The following AGPAT4 variants were observed in gnomAD, a reference collection of about 807,000 sequenced individuals.
AGPAT4 encodes the protein 1-acyl-sn-glycerol-3-phosphate acyltransferase delta.
Under a neutral mutation model 48.0 loss-of-function variants are expected in AGPAT4, and 15 were observed. That is an observed-to-expected ratio of 0.31 (90% CI 0.21 to 0.48). AGPAT4 has a LOEUF of 0.48. Among genes scored for constraint, AGPAT4 ranks in the 20% least tolerant of loss-of-function variants. The pLI is 0.99. For missense variants in AGPAT4, 314 were observed against 482.5 expected, an observed-to-expected ratio of 0.65 and a Z score of 3.27; for synonymous variants, 178 against 198.7, an observed-to-expected ratio of 0.90 and a Z score of 0.88.
Position 161,159,735 on chromosome 6 carries a change from C to T in AGPAT4, c.349-5425G>A, listed in dbSNP as rs1350191444. On this transcript the variant is annotated intron_variant, in intron 3 of 8. Transcript: ENST00000320285. This position sits in a 1 kb window ranked among gnomAD's most constrained non-coding sequence, Gnocchi z 4.1. Reference sequence around the variant, plus strand: ...CTCAGCTCACTGCAATCTCTGCCTCCCGGGTTCAAGCGATTCTCCTGCCTC... The same window carrying T: ...CTCAGCTCACTGCAATCTCTGCCTCTCGGGTTCAAGCGATTCTCCTGCCTC... Among the ~76,000 whole-genome samples the T allele has an allele frequency of 6.6e-6, 1 of 152,006 alleles. No individual in the cohort carries two copies. Among genetic ancestry groups the T allele is most frequent in the Non-Finnish European group, 1.5e-5 (1 of 68,016 alleles).
At chr6:161,228,989 G>A (rs1471480209) in intron 2 of AGPAT4, among the ~76,000 whole-genome samples, 1 of 151,824 alleles carries the variant, frequency 6.6e-6, no homozygotes, top group Non-Finnish European at 1.5e-5. Flanking sequence ...TCAGTGTCTC[G>A]GTGTGTCCTG....
chr6:161,229,659 A>G lies in AGPAT4; in HGVS notation c.178+2377T>C, dbSNP rs367842148. On this transcript the variant is annotated intron_variant, in intron 2 of 8. Coordinates refer to ENST00000320285, the MANE Select transcript of AGPAT4 (RefSeq NM_020133.3). The surrounding 1 kb of genome is among the most constrained non-coding windows in gnomAD (Gnocchi z 6.0). The stretch of plus-strand genomic sequence containing the variant: ...GGATAGTTTGCACTGGCTTATCACC[A>G]TGAGGTGCCCACGAGCCACCCAGGA... 1.8e-4 allele frequency among the ~76,000 whole-genome samples: 27 copies of G among 152,258 alleles called. No homozygotes were observed. The highest frequency in any genetic ancestry group is 6.5e-4 in the African/African-American group (27 of 41,556).
rs1781765844 is a variant in AGPAT4, at chr6:161,219,867, A to AGG, written c.178+12168_178+12169insCC. On this transcript the variant is annotated intron_variant, in intron 2 of 8. Coordinates refer to ENST00000320285, the MANE Select transcript of AGPAT4 (RefSeq NM_020133.3). This position sits in a 1 kb window ranked among gnomAD's most constrained non-coding sequence, Gnocchi z 4.9. ...GATAGATAGATAGATAGATAGATAG[A>AGG]TAGATAGGCAGGCAGGCAGGCAGGC... 2.7e-5 allele frequency among the ~76,000 whole-genome samples: 3 copies of AGG among 111,296 alleles called. No homozygotes were observed. The highest frequency in any genetic ancestry group is 9.3e-5 in the Admixed American group (1 of 10,704). The allele number at this position is 111,296 out of a possible 152,430, so 73.0% of individuals were successfully genotyped here.
At chr6:161,162,672 T>A (rs1227089383) in intron 3 of AGPAT4, among the ~76,000 whole-genome samples, 1 of 152,230 alleles carries the variant, frequency 6.6e-6, no homozygotes, top group Non-Finnish European at 1.5e-5. Context: ...CACGCTGCCA[T>A]GGATAACTAA....
intron 1 of AGPAT4, among the ~76,000 whole-genome samples, chr6:161,260,534 C>G (rs1249544430): frequency 2.6e-5 from 4 of 151,740 alleles, no homozygotes; most frequent in Admixed American, 2.6e-4. Context: ...CACCTGTAGT[C>G]CTAGCTACTC....
chr6:161,203,435 T>C (rs1255639671), intron 2 of AGPAT4, among the ~76,000 whole-genome samples: 4 of 144,236 alleles, frequency 2.8e-5, no homozygotes, highest in Non-Finnish European at 6.0e-5. Context: ...GTTTTTCAGG[T>C]TGGAGTGCAA....
At chr6:161,193,461 G>T (rs1359095220) in intron 2 of AGPAT4, among the ~76,000 whole-genome samples, 3 of 152,202 alleles carry the variant, frequency 2.0e-5, no homozygotes, top group Non-Finnish European at 4.4e-5. Context: ...GCATCCGGGG[G>T]ATCTGAATAC....
At chr6:161,250,165 G>A (rs1230494768) in intron 1 of AGPAT4, among the ~76,000 whole-genome samples, 1 of 152,104 alleles carries the variant, frequency 6.6e-6, no homozygotes, top group Admixed American at 6.6e-5. Context: ...CACATTGAGG[G>A]GAACAATACA....
In AGPAT4 at chr6:161,233,091, T is replaced by A. The variant is rs983195799; in HGVS notation, c.-89-789A>T. 6.8e-6 allele frequency among the ~76,000 whole-genome samples: 1 copy of A among 147,112 alleles called. No homozygotes were observed. The highest frequency in any genetic ancestry group is 1.5e-5 in the Non-Finnish European group (1 of 66,652). ...CCCTGGTCACACACACAGAGACACA[T>A]AGACACACACACAAACACCACACAC... On this transcript the variant is annotated intron_variant, in intron 1 of 8. Transcript: ENST00000320285. The surrounding 1 kb of genome is among the most constrained non-coding windows in gnomAD (Gnocchi z 5.4).
At chr6:161,150,147 A>C (rs1440019917) in intron 5 of AGPAT4, among the ~76,000 whole-genome samples, 1 of 152,236 alleles carries the variant, frequency 6.6e-6, no homozygotes, top group Admixed American at 6.5e-5. Context: ...TCTTGGATCA[A>C]AGGATGAAAG....
rs1055429462 is a variant in AGPAT4 at position 161,206,997 on chromosome 6, T to C, written c.178+25039A>G. ...ACAACAGAGAAAATAGGCTGAAAAA[T>C]AGTCCTTTCAGTTATCTAATGGAAT... On this transcript the variant is annotated intron_variant, in intron 2 of 8. Transcript: ENST00000320285. This position sits in a 1 kb window ranked among gnomAD's most constrained non-coding sequence, Gnocchi z 4.8. 3.3e-5 allele frequency among the ~76,000 whole-genome samples: 5 copies of C among 152,220 alleles called. No individual in the cohort carries two copies. Among genetic ancestry groups the C allele is most frequent in the African/African-American group, 1.2e-4 (5 of 41,534 alleles).
chr6:161,160,057 C>T (rs1779880576), intron 3 of AGPAT4: 1 of 151,744 alleles, frequency 6.6e-6, no homozygotes. Flanking sequence ...CCCACCTCAG[C>T]CTGTGGAGTA....
Position 161,135,086 on chromosome 6 carries a change from G to GTTGA in AGPAT4, c.*1450_*1453dup, listed in dbSNP as rs1554290853. On this transcript the variant is annotated 3_prime_UTR_variant, in exon 9 of 9. Coordinates refer to ENST00000320285, the MANE Select transcript of AGPAT4 (RefSeq NM_020133.3). ...GTAACTCCTTGGCTTACCTAGTTTG[G>GTTGA]TTGATAAACAATGACTAAATGAGCA... is the stretch of plus-strand genomic sequence containing the variant. The GTTGA allele has an allele frequency of 6.6e-6, 1 of 152,024 alleles. No homozygotes were observed. The highest frequency in any genetic ancestry group is 1.5e-5 in the Non-Finnish European group (1 of 68,010). 9.4% of individuals were successfully genotyped at this position (152,024 alleles called of 1,614,324 possible).
At position 161,149,372 on chromosome 6, in the gene AGPAT4, T is replaced by C; in HGVS notation, c.665-83A>G. 3.3e-6 allele frequency: 4 copies of C among 1,209,020 alleles called. No individual in the cohort carries two copies. Among genetic ancestry groups the C allele is most frequent in the Non-Finnish European group, 4.5e-6 (4 of 887,248 alleles). 74.9% of individuals were successfully genotyped at this position (1,209,020 alleles called of 1,614,324 possible). A position where few individuals can be genotyped will look rare whatever the true frequency, so the allele number is the denominator to read the frequency against. ...TGTAGATACACACATTGGAAGACAA[T>C]AATCAAATGGCTAACTGCTTATCTA... On this transcript the variant is annotated intron_variant, in intron 5 of 8. Transcript: ENST00000320285. The surrounding 1 kb of genome is among the most constrained non-coding windows in gnomAD (Gnocchi z 6.5).
intron 2 of AGPAT4, among the ~76,000 whole-genome samples, chr6:161,181,596 G>C: frequency 6.6e-6 from 1 of 151,382 alleles, no homozygotes; most frequent in South Asian, 2.1e-4. Flanking sequence ...TTTAATTTTT[G>C]TGAGACAGTC....
chr6:161,210,306 CTTAG>C (rs1465939395), intron 2 of AGPAT4, among the ~76,000 whole-genome samples: 1 of 152,096 alleles, frequency 6.6e-6, no homozygotes, highest in African/African-American at 2.4e-5. Context: ...TGATTTACAC[CTTAG>C]TTGTTTCCTT....
rs907243046 is a variant in AGPAT4, at chr6:161,264,866, C to T, written c.-90+9072G>A. Among the ~76,000 whole-genome samples the T allele has an allele frequency of 9.9e-5, 15 of 152,164 alleles. No homozygotes were observed. The highest frequency in any genetic ancestry group is 1.9e-4 in the Non-Finnish European group (13 of 67,950). On this transcript the variant is annotated intron_variant, in intron 1 of 8. Coordinates refer to ENST00000320285, the MANE Select transcript of AGPAT4 (RefSeq NM_020133.3). The surrounding 1 kb of genome is among the most constrained non-coding windows in gnomAD (Gnocchi z 6.8). Reference sequence around the variant, plus strand: ...ATGGAACCCCTAGGGTCACCCAGGACTAGTTATGGGACCCCTAGAGTCCCC... The same window carrying T: ...ATGGAACCCCTAGGGTCACCCAGGATTAGTTATGGGACCCCTAGAGTCCCC...
rs1194880645 is a variant in AGPAT4 at position 161,232,387 on chromosome 6, T to G, written c.-89-85A>C. 18 of 614,788 alleles carry G rather than the reference T, an allele frequency of 2.9e-5. No homozygotes were observed. The East Asian group carries it at 5.0e-4, about 17-fold the overall frequency. The allele number at this position is 614,788 out of a possible 1,614,324, so 38.1% of individuals were successfully genotyped here. Reference sequence around the variant, plus strand: ...AAAAAGTGCTCTGAAAAGAAAAATATACACTTGAGGTTAAACTCATGTGCG... The same window carrying G: ...AAAAAGTGCTCTGAAAAGAAAAATAGACACTTGAGGTTAAACTCATGTGCG... On this transcript the variant is annotated intron_variant, in intron 1 of 8. Transcript: ENST00000320285. This position sits in a 1 kb window ranked among gnomAD's most constrained non-coding sequence, Gnocchi z 6.8.
chr6:161,136,605 C>T lies in AGPAT4; in HGVS notation c.1072G>A (p.Val358Met). Residue 358 changes from valine to methionine, a missense_variant, in exon 9 of 9, where the codon GTG (valine) becomes ATG (methionine). Coordinates refer to ENST00000320285, the MANE Select transcript of AGPAT4 (RefSeq NM_020133.3). ...GCAGAGCCCTTGTCAATTTCCGTCA[C>T]ACCAATCATCCATCGAACTCCCACG... ...ASVGVRWMIG[V>M]TEIDKGSAYG... The T allele has an allele frequency of 6.2e-7, 1 of 1,614,194 alleles. No individual in the cohort carries two copies. The highest frequency in any genetic ancestry group is 1.1e-5 in the South Asian group (1 of 91,086).
Sources: gnomAD v4.1 joint callset for allele counts (sites outside exome capture counted in the v4.1 genomes callset) on GRCh38, gnomAD v4.1.1 for gene constraint, Gnocchi (gnomAD v3.1) non-coding constraint, MANE v1.5 for transcripts, NCBI Gene and HGNC (gene_info 2026-07-23, HGNC 2026-07-21) for gene names.